DNAH9: variants seen among roughly 807,000 people sequenced by gnomAD.
DNAH9 encodes the protein dynein axonemal heavy chain 9.
A neutral mutation model predicts 471.6 loss-of-function variants in DNAH9; 345 were observed. The ratio of observed to expected loss-of-function variants is 0.73; its 90% CI spans 0.67 to 0.80. The LOEUF is 0.80. Among genes scored for constraint, DNAH9 ranks in the 30% least tolerant of loss-of-function variants. The probability of loss-of-function intolerance (pLI) is 0.00; values close to 1 mark genes in which losing one functional copy is unlikely to be tolerated. For synonymous variants in DNAH9, 2,093 were observed against 2,123.6 expected (o/e 0.99, Z 0.40); for missense variants, 5,407 against 5,609.2 (o/e 0.96, Z 1.15).
At chr17:11,888,073 C>T (rs1055350687) in intron 57 of DNAH9, among the ~76,000 whole-genome samples, 3 of 151,624 alleles carry the variant, frequency 2.0e-5, no homozygotes, top group African/African-American at 7.3e-5. Flanking sequence ...AGCTCTGCCT[C>T]CCGGGTTGAG....
chr17:11,936,104 T>C (rs1366809508), intron 65 of DNAH9, among the ~76,000 whole-genome samples: 1 of 152,220 alleles, frequency 6.6e-6, no homozygotes, highest in Admixed American at 6.5e-5. Context: ...CTCTTTCTTA[T>C]ACTTCTCTTT....
chr17:11,942,903 T>TC (rs1974980778), intron 67 of DNAH9, among the ~76,000 whole-genome samples: 6 of 149,554 alleles, frequency 4.0e-5, no homozygotes. Context: ...TTTCTTTTTT[T>TC]TTTTTTTTTT....
In DNAH9 at chr17:11,810,290, C is replaced by A. The variant is rs769592446; in HGVS notation, c.8628C>A (p.Leu2876=). 16 of 1,613,702 alleles carry A rather than the reference C, an allele frequency of 9.9e-6. No homozygotes were observed. The African/African-American group carries it at 2.1e-4, about 22-fold the overall frequency. ...GTCTGAAAGCTGGAGTGAAGAATCTCAACACAGTGTTTCTCATGACTGATG... is the reference window on the plus strand; with the variant it reads ...GTCTGAAAGCTGGAGTGAAGAATCTAAACACAGTGTTTCTCATGACTGATG... ...SLCLKAGVKN[L]NTVFLMTDAQ... The change falls in exon 45 of 69, where the codon CTC becomes CTA. Residue 2876 remains leucine (L), a synonymous_variant. Coordinates refer to ENST00000262442, the MANE Select transcript of DNAH9 (RefSeq NM_001372.4).
intron 35 of DNAH9, among the ~76,000 whole-genome samples, chr17:11,762,200 T>C (rs1483558436): frequency 2.6e-5 from 4 of 152,176 alleles, no homozygotes; most frequent in African/African-American, 4.8e-5. Flanking sequence ...TGCTAAAAAG[T>C]GAATGGCGTG....
chr17:11,669,318 A>T, intron 16 of DNAH9, 52 bp from the exon 17 acceptor site: 1 of 1,594,706 alleles, frequency 6.3e-7, no homozygotes, highest in Non-Finnish European at 8.6e-7. Flanking sequence ...CGAATCTCGA[A>T]CTTCCTGCCA....
Position 11,762,770 on chromosome 17 carries a change from G to GTTTTTTTTTTTTTTTTTTTTTT in DNAH9, c.6996-664_6996-643dup, listed in dbSNP as rs563544881. On this transcript the variant is annotated intron_variant, in intron 35 of 68. Transcript: ENST00000262442. ...CCTCTTTAGGTGCGTTTTTTTTTTT[G>GTTTTTTTTTTTTTTTTTTTTTT]TTTTTTTTTTTTTTTTTTTTTTTTT... is the stretch of plus-strand genomic sequence containing the variant. 2.4e-4 allele frequency among the ~76,000 whole-genome samples: 22 copies of GTTTTTTTTTTTTTTTTTTTTTT among 90,784 alleles called. 1 individual carries two copies. Among genetic ancestry groups the GTTTTTTTTTTTTTTTTTTTTTT allele is most frequent in the East Asian group, 6.6e-4 (2 of 3,030 alleles). 59.6% of individuals were successfully genotyped at this position (90,784 alleles called of 152,430 possible). A position where few individuals can be genotyped will look rare whatever the true frequency, so the allele number is the denominator to read the frequency against.
chr17:11,937,667 C>A lies in DNAH9; in HGVS notation c.12660+145C>A. 1 of 843,338 alleles carries A rather than the reference C, an allele frequency of 1.2e-6. No homozygotes were observed. The highest frequency in any genetic ancestry group is 1.7e-6 in the Non-Finnish European group (1 of 593,598). 52.2% of individuals were successfully genotyped at this position (843,338 alleles called of 1,614,324 possible). On this transcript the variant is annotated intron_variant, in intron 66 of 68. Transcript: ENST00000262442. The surrounding 1 kb of genome is among the most constrained non-coding windows in gnomAD (Gnocchi z 4.1). ...CCACCTGCAGCCTGGAGATGCTTGC[C>A]TGTCACCGCCAAGAGCCTCTCCCCT...
At position 11,881,356 on chromosome 17, in the gene DNAH9, G is replaced by A. The variant is rs1264298222; in HGVS notation, c.10749G>A (p.Glu3583=). 1 of 1,613,982 alleles carries A rather than the reference G, an allele frequency of 6.2e-7. No individual in the cohort carries two copies. The highest frequency in any genetic ancestry group is 1.3e-5 in the African/African-American group (1 of 74,944). The change falls in exon 55 of 69, where the codon GAG becomes GAA. Residue 3583 remains glutamate, a synonymous_variant. Transcript: ENST00000262442. The part of the protein sequence containing the change: ...INFTVTRDGL[E]DQLLAAVVSM... The stretch of plus-strand genomic sequence containing the variant: ...TCACCGTGACCAGGGATGGCCTGGA[G>A]GACCAGTTGCTGGCCGCTGTGGTCA...
rs80304607 is a variant in DNAH9 at position 11,942,262 on chromosome 17, T to C, written c.12661-41T>C. The C allele has an allele frequency of 6.8e-4, 1,084 of 1,600,126 alleles. 9 individuals carry two copies. In the African/African-American group the frequency reaches 0.013, roughly 19 times the overall value. ...AGGAAAATGGATTCCTTCTGGAGAA[T>C]AGAGCCCTTTCTTAACGCTGTGTTT... On this transcript the variant is annotated intron_variant, in intron 66 of 68. Coordinates refer to ENST00000262442, the MANE Select transcript of DNAH9 (RefSeq NM_001372.4).
rs150327040 is a variant in DNAH9, at chr17:11,709,062, C to A, written c.5552+3877C>A. Among the ~76,000 whole-genome samples, 173 of 152,282 alleles carry A rather than the reference C, an allele frequency of 1.1e-3. 1 individual carries two copies. The highest frequency in any genetic ancestry group is 6.8e-3 in the Middle Eastern group (2 of 294). On this transcript the variant is annotated intron_variant, in intron 26 of 68. Coordinates refer to ENST00000262442, the MANE Select transcript of DNAH9 (RefSeq NM_001372.4). ...ATAAAAAGTACAAGATTTGTCTTTT[C>A]CCTGGGCCTTCGCAGTCGCCCAGGA...
rs1472039024 is a variant in DNAH9 at position 11,673,948 on chromosome 17, C to CATAAAAAT, written c.3353+4155_3353+4162dup. On this transcript the variant is annotated intron_variant, in intron 17 of 68. Transcript: ENST00000262442. The stretch of plus-strand genomic sequence containing the variant: ...TATGTGGAGATGTGCATTAAAACTT[C>CATAAAAAT]ATAAAAATGATATTATTGTATGCCA... 2.0e-5 allele frequency among the ~76,000 whole-genome samples: 3 copies of CATAAAAAT among 152,264 alleles called. No individual in the cohort carries two copies. In the East Asian group the frequency reaches 5.8e-4, roughly 29 times the overall value.
At chr17:11,732,257 C>A (rs1333795517) in intron 28 of DNAH9, among the ~76,000 whole-genome samples, 1 of 152,108 alleles carries the variant, frequency 6.6e-6, no homozygotes, top group African/African-American at 2.4e-5. Flanking sequence ...CTGGGGGGTC[C>A]CTGATACTGT....
At chr17:11,966,528 G>C (rs946667686) in intron 68 of DNAH9, among the ~76,000 whole-genome samples, 2 of 152,148 alleles carry the variant, frequency 1.3e-5, no homozygotes. Context: ...TCCACACAAA[G>C]ATATAGAATA....
At chr17:11,736,406 T>C (rs967925949) in intron 28 of DNAH9, among the ~76,000 whole-genome samples, 2 of 152,190 alleles carry the variant, frequency 1.3e-5, no homozygotes, top group African/African-American at 4.8e-5. Context: ...CCAAACGACC[T>C]GTGTGTGTAC....
intron 67 of DNAH9, among the ~76,000 whole-genome samples, chr17:11,958,555 G>A (rs775975164): frequency 7.2e-5 from 11 of 152,014 alleles, no homozygotes; most frequent in East Asian, 1.9e-4. Flanking sequence ...CAAACCCTAC[G>A]GTAAACTACG....
At chr17:11,843,896 T>TAG (rs557804957) in intron 49 of DNAH9, among the ~76,000 whole-genome samples, 5 of 133,488 alleles carry the variant, frequency 3.7e-5, no homozygotes, top group East Asian at 4.3e-4. Context: ...TATATACACA[T>TAG]AGAGAGAGAG....
intron 20 of DNAH9, among the ~76,000 whole-genome samples, chr17:11,692,200 T>G (rs12450884): frequency 0.11 from 12,140 of 114,254 alleles, 923 homozygotes; most frequent in Admixed American, 0.28. Context: ...CTTGCAGCTG[T>G]GGGACCTTGG....
At chr17:11,964,312 C>CAAAATGAGAGAAGTACCAAAAGGAA (rs915058053) in intron 68 of DNAH9, among the ~76,000 whole-genome samples, 2 of 152,058 alleles carry the variant, frequency 1.3e-5, no homozygotes, top group Non-Finnish European at 2.9e-5. Flanking sequence ...TCCAAACCAC[C>CAAAATGAGAGAAGTACCAAAAGGAA]AAAATGAGAG....
Position 11,690,074 on chromosome 17 carries a change from G to A in DNAH9, c.4252G>A (p.Asp1418Asn), listed in dbSNP as rs1310896045. Residue 1418 changes from aspartate to asparagine, a missense_variant, in exon 20 of 69, where the codon GAT becomes AAT. By Grantham distance (23) the Asp-to-Asn change is conservative. Around this residue, in one of 3 missense-constraint regions of DNAH9, gnomAD observed 4,636 missense variants for 4,900.3 expected, o/e 0.95. Coordinates refer to ENST00000262442, the MANE Select transcript of DNAH9 (RefSeq NM_001372.4). ...GCAGCTCCAGCTGCACCACTATGAGGATGAGGTCCGGGGCATTGTGGACAA... is the reference window on the plus strand; with the variant it reads ...GCAGCTCCAGCTGCACCACTATGAGAATGAGGTCCGGGGCATTGTGGACAA... ...LLQLQLHHYEDEVRGIVDKAA... is the reference protein window; with the variant it reads ...LLQLQLHHYENEVRGIVDKAA... 2 of 1,614,196 alleles carry A rather than the reference G, an allele frequency of 1.2e-6. No individual in the cohort carries two copies. Among genetic ancestry groups the A allele is most frequent in the Admixed American group, 1.7e-5 (1 of 60,020 alleles).
Sources: gnomAD v4.1 joint callset for allele counts (sites outside exome capture counted in the v4.1 genomes callset) on GRCh38, gnomAD v4.1.1 for gene constraint, gnomAD v4.1.1 regional missense constraint, Gnocchi (gnomAD v3.1) non-coding constraint, MANE v1.5 for transcripts, NCBI Gene and HGNC (gene_info 2026-07-23, HGNC 2026-07-21) for gene names.